Variants in SMG9 observed in about 807,000 individuals in gnomAD.
SMG9 encodes nonsense-mediated mRNA decay factor SMG9.
In SMG9, 55 loss-of-function variants were observed where a neutral mutation model predicts 64.0. The ratio of observed to expected loss-of-function variants is 0.86; its 90% confidence interval spans 0.69 to 1.08. The LOEUF (loss-of-function observed/expected upper bound fraction) is 1.08, where lower values mean the gene tolerates loss of function less well. Ranked by LOEUF, SMG9 falls within the 50% of genes least tolerant of loss-of-function variation. SMG9 has a pLI of 0.00. For missense variants in SMG9, 554 were observed against 681.3 expected (o/e 0.81, Z 2.08); for synonymous variants, 244 against 254.8 (o/e 0.96, Z 0.41).
At position 43,730,573 on chromosome 19, in the gene SMG9, T is replaced by A. The variant is rs1968448319; in HGVS notation, c.*1023A>T. 6.6e-6 allele frequency: 1 copy of A among 152,116 alleles called. No homozygotes were observed. Among genetic ancestry groups the A allele is most frequent in the Non-Finnish European group, 1.5e-5 (1 of 68,022 alleles). 9.4% of individuals were successfully genotyped at this position (152,116 alleles called of 1,614,324 possible). A position where few individuals can be genotyped will look rare whatever the true frequency, so the allele number is the denominator to read the frequency against. On this transcript the variant is annotated 3_prime_UTR_variant, in exon 14 of 14. Transcript: ENST00000270066. The stretch of plus-strand genomic sequence containing the variant: ...TTAAGTCAAAAGTAGGCTTTTTTTT[T>A]TTTTTTGAGACGGAGTCTCGCTCTG...
intron 13 of SMG9, 101 bp from the exon 14 acceptor site, chr19:43,731,775 A>G: frequency 7.2e-7 from 1 of 1,398,072 alleles, no homozygotes; most frequent in Admixed American, 1.9e-5. Context: ...TTATGACCTG[A>G]GATGTGACTC....
chr19:43,739,657 G>A (rs1391986372), intron 7 of SMG9: 3 of 169,550 alleles, frequency 1.8e-5, no homozygotes, highest in African/African-American at 4.8e-5. Flanking sequence ...CGACAGTGAC[G>A]AGCCTGAGCA....
chr19:43,747,687 C>T lies in SMG9; in HGVS notation c.436G>A (p.Val146Met). 6.2e-7 allele frequency: 1 copy of T among 1,611,510 alleles called. No homozygotes were observed. The highest frequency in any genetic ancestry group is 2.2e-5 in the East Asian group (1 of 44,752). ...ATGCCCCGGTTCTGGATCTGGTACA[C>T]AGGCTGTGTGGGTCTCTGCCCCTCC... ...EKEGQRPTQP[V>M]YQIQNRGMGT... is the part of the protein sequence containing the mutation. Residue 146 changes from valine to methionine, a missense_variant, in exon 4 of 14, where the codon GTG (valine) becomes ATG (methionine). Coordinates refer to ENST00000270066, the MANE Select transcript of SMG9 (RefSeq NM_019108.4).
intron 13 of SMG9, 59 bp downstream of exon 13, chr19:43,732,799 C>G: frequency 6.2e-7 from 1 of 1,605,924 alleles, no homozygotes; most frequent in Non-Finnish European, 8.5e-7. Flanking sequence ...GGGACGCCCC[C>G]TTCTCTCTAC....
intron 9 of SMG9, among the ~76,000 whole-genome samples, chr19:43,736,570 C>T (rs779791744): frequency 6.6e-6 from 1 of 152,210 alleles, no homozygotes; most frequent in East Asian, 1.9e-4. Context: ...AACAGGAGGG[C>T]ACACGAGCCT....
At chr19:43,738,271 C>T (rs1279394833) in intron 7 of SMG9, 54 bp from the exon 8 acceptor site, 1 of 1,475,830 alleles carries the variant, frequency 6.8e-7, no homozygotes, top group South Asian at 1.1e-5. Context: ...TTCACACGCT[C>T]AAGGCAAATA....
chr19:43,732,567 G>A, intron 13 of SMG9: 1 of 418,090 alleles, frequency 2.4e-6, no homozygotes, highest in African/African-American at 2.0e-5. Context: ...CAGATGTGTG[G>A]CCTTGCTATG....
chr19:43,733,497 T>C (rs1236625805), intron 11 of SMG9, 45 bp from the exon 12 acceptor site: 2 of 1,612,586 alleles, frequency 1.2e-6, no homozygotes, highest in African/African-American at 2.7e-5. Context: ...TGTTGTGGGT[T>C]TGGGGAGTGG....
intron 2 of SMG9, among the ~76,000 whole-genome samples, chr19:43,749,683 G>A (rs1969135127): frequency 3.3e-5 from 5 of 152,180 alleles, no homozygotes. Context: ...AGGTGGACAG[G>A]GCCCTAGAGA....
intron 9 of SMG9, 115 bp downstream of exon 9, chr19:43,737,482 T>C (rs1253571161): frequency 4.5e-6 from 4 of 882,704 alleles, no homozygotes; most frequent in African/African-American, 3.4e-5. Flanking sequence ...TGCTCCAACT[T>C]ACATTTTAAA....
chr19:43,737,226 T>C (rs1266458871), intron 9 of SMG9, among the ~76,000 whole-genome samples: 2 of 151,958 alleles, frequency 1.3e-5, no homozygotes, highest in South Asian at 2.1e-4. Flanking sequence ...TGAGCCGAGA[T>C]TGTACCACTG....
At chr19:43,734,286 C>T (rs1344108707) in intron 10 of SMG9, 103 bp downstream of exon 10, 2 of 925,168 alleles carry the variant, frequency 2.2e-6, no homozygotes, top group Non-Finnish European at 3.3e-6. Flanking sequence ...CCACCCAGAA[C>T]CCCACTCCTT....
intron 9 of SMG9, among the ~76,000 whole-genome samples, chr19:43,735,364 T>C (rs924830422): frequency 3.3e-5 from 5 of 152,160 alleles, no homozygotes; most frequent in Non-Finnish European, 7.3e-5. Flanking sequence ...ACGCCTGTAA[T>C]CTCAGCACTT....
At chr19:43,736,991 A>C (rs568784920) in intron 9 of SMG9, among the ~76,000 whole-genome samples, 81 of 152,260 alleles carry the variant, frequency 5.3e-4, no homozygotes, top group African/African-American at 1.9e-3. Context: ...AAAGGGAGTG[A>C]GGGCAGGTGC....
At chr19:43,749,222 C>T (rs973806586) in intron 2 of SMG9, among the ~76,000 whole-genome samples, 2 of 152,152 alleles carry the variant, frequency 1.3e-5, no homozygotes, top group African/African-American at 2.4e-5. Context: ...ATGTAAAGCA[C>T]TGGTGCCTGA....
chr19:43,732,785 C>T (rs1968524292), intron 13 of SMG9, 73 bp downstream of exon 13: 2 of 1,583,600 alleles, frequency 1.3e-6, no homozygotes, highest in Non-Finnish European at 1.7e-6. Context: ...TCATGCCGAT[C>T]TAAGGGACGC....
chr19:43,738,447 T>C (rs1968744530), intron 7 of SMG9, among the ~76,000 whole-genome samples: 1 of 152,194 alleles, frequency 6.6e-6, no homozygotes, highest in South Asian at 2.1e-4. Context: ...GAGAAGAAAC[T>C]GCTTTGTGCT....
intron 2 of SMG9, chr19:43,748,891 G>C: frequency 2.0e-6 from 1 of 498,998 alleles, no homozygotes; most frequent in South Asian, 1.5e-5. Flanking sequence ...GAAGTTTCAA[G>C]GGAAAAACTA....
intron 6 of SMG9, among the ~76,000 whole-genome samples, chr19:43,742,167 T>A (rs1276197218): frequency 1.3e-5 from 2 of 151,970 alleles, no homozygotes; most frequent in Non-Finnish European, 2.9e-5. Flanking sequence ...AATAAATAAA[T>A]TAGCCAGGCA....
Sources: gnomAD v4.1 joint callset for allele counts (sites outside exome capture counted in the v4.1 genomes callset) on GRCh38, gnomAD v4.1.1 for gene constraint, MANE v1.5 for transcripts, NCBI Gene and HGNC (gene_info 2026-07-23, HGNC 2026-07-21) for gene names.